Variants in BCL7A observed in about 807,000 individuals in gnomAD.
BCL7A encodes BAF chromatin remodeling complex subunit BCL7A.
Under a neutral mutation model 28.4 loss-of-function variants are expected in BCL7A, and 11 were observed. The ratio of observed to expected loss-of-function variants is 0.39; its 90% confidence interval spans 0.24 to 0.64. The LOEUF (loss-of-function observed/expected upper bound fraction) is 0.64, where lower values mean the gene tolerates loss of function less well. Ranked by LOEUF, BCL7A falls within the 30% of genes least tolerant of loss-of-function variation. The pLI is 0.50. For synonymous variants in BCL7A, 123 were observed against 103.3 expected, an observed-to-expected ratio of 1.19 and a Z score of -1.15; for missense variants, 222 against 274.8, an observed-to-expected ratio of 0.81 and a Z score of 1.36.
Position 122,060,011 on chromosome 12 carries a change from C to T in BCL7A, c.*848C>T, listed in dbSNP as rs1251436720. On this transcript the variant is annotated 3_prime_UTR_variant, in exon 6 of 6. Transcript: ENST00000261822. ...CTATTGCCCCCACCACCACCACCCC[C>T]ATCACTGCTTTCTCCCAGACCTCCG... 1 of 233,550 alleles carries T rather than the reference C, an allele frequency of 4.3e-6. No individual in the cohort carries two copies. The highest frequency in any genetic ancestry group is 8.5e-6 in the Non-Finnish European group (1 of 118,090). The allele number at this position is 233,550 out of a possible 1,614,324, so 14.5% of individuals were successfully genotyped here.
intron 4 of BCL7A, among the ~76,000 whole-genome samples, chr12:122,053,342 T>C (rs918200746): frequency 2.0e-5 from 3 of 152,214 alleles, no homozygotes; most frequent in African/African-American, 4.8e-5. Context: ...TCAGACTCCC[T>C]GGGAAGGAGG....
chr12:122,024,455 G>GT (rs1246502202), intron 1 of BCL7A, among the ~76,000 whole-genome samples: 51 of 81,048 alleles, frequency 6.3e-4, no homozygotes, highest in African/African-American at 1.5e-3. Flanking sequence ...TGGCTTTGAG[G>GT]TTTTTTGTTT....
intron 3 of BCL7A, among the ~76,000 whole-genome samples, chr12:122,038,154 AGGCACAGT>A (rs1292810213): frequency 2.7e-5 from 4 of 149,976 alleles, no homozygotes; most frequent in African/African-American, 9.8e-5. Context: ...AGTGGGAGCC[AGGCACAGT>A]GGCTCACGCC....
chr12:122,028,170 T>G (rs907673352), intron 1 of BCL7A, among the ~76,000 whole-genome samples: 27 of 152,312 alleles, frequency 1.8e-4, no homozygotes, highest in African/African-American at 6.3e-4. Flanking sequence ...CCCCTCAATG[T>G]CCACACCTAG....
chr12:122,045,202 G>A (rs1308596666), intron 4 of BCL7A, among the ~76,000 whole-genome samples: 4 of 152,066 alleles, frequency 2.6e-5, no homozygotes, highest in East Asian at 1.9e-4. Flanking sequence ...CCAACACGGT[G>A]AAACCCTGTC....
chr12:122,051,057 GGT>G (rs1884182457), intron 4 of BCL7A, among the ~76,000 whole-genome samples: 1 of 152,218 alleles, frequency 6.6e-6, no homozygotes, highest in African/African-American at 2.4e-5. Context: ...CCACGTTGGG[GGT>G]GTGTGTCTCC....
At chr12:122,038,431 C>CACAA (rs1883900095) in intron 3 of BCL7A, among the ~76,000 whole-genome samples, 7,094 of 33,634 alleles carry the variant, frequency 0.21, 1,190 homozygotes, top group African/African-American at 0.4. Context: ...GACTCTGCCT[C>CACAA]AAAAAAAAAA....
At chr12:122,052,898 C>T (rs373610888) in intron 4 of BCL7A, among the ~76,000 whole-genome samples, 1 of 141,444 alleles carries the variant, frequency 7.1e-6, no homozygotes, top group Admixed American at 7.4e-5. Flanking sequence ...CCATGTTGGC[C>T]AGGCTGGTCT....
Position 122,035,409 on chromosome 12 carries a change from G to A in BCL7A, c.253G>A (p.Gly85Arg). The A allele has an allele frequency of 1.2e-6, 2 of 1,614,146 alleles. No homozygotes were observed. Among genetic ancestry groups the A allele is most frequent in the Non-Finnish European group, 1.7e-6 (2 of 1,179,968 alleles). Residue 85 changes from glycine to arginine, a missense_variant, in exon 3 of 6, where the codon GGG (glycine) becomes AGG (arginine). Around this residue, in one of 2 missense-constraint regions of BCL7A, gnomAD observed 67 missense variants for 129.1 expected, o/e 0.52. Coordinates refer to ENST00000261822, the MANE Select transcript of BCL7A (RefSeq NM_001024808.3). ...VTTPENSSSP[G>R]MMDMHDDNSN... Reference sequence around the variant, plus strand: ...CACTCCGGAGAACAGTTCCTCCCCAGGGATGATGGACATGCATGGTGAGTG... The same window carrying A: ...CACTCCGGAGAACAGTTCCTCCCCAAGGATGATGGACATGCATGGTGAGTG...
intron 4 of BCL7A, among the ~76,000 whole-genome samples, chr12:122,054,493 C>T (rs1337836104): frequency 2.6e-5 from 4 of 152,224 alleles, no homozygotes; most frequent in African/African-American, 9.7e-5. Context: ...GCACTGCGGC[C>T]GCCAGGGGGT....
At chr12:122,031,365 G>A (rs1308386766) in intron 2 of BCL7A, among the ~76,000 whole-genome samples, 1 of 149,284 alleles carries the variant, frequency 6.7e-6, no homozygotes, top group African/African-American at 2.4e-5. Context: ...CCCCCCCCAG[G>A]GCTTGGCACT....
chr12:122,040,736 C>G (rs777909676), intron 3 of BCL7A, among the ~76,000 whole-genome samples: 1 of 151,890 alleles, frequency 6.6e-6, no homozygotes, highest in Non-Finnish European at 1.5e-5. Context: ...GTGGGCCGGG[C>G]AAGTTTTCTG....
chr12:122,038,779 C>T lies in BCL7A; in HGVS notation c.271+3352C>T, dbSNP rs79052090. Among the ~76,000 whole-genome samples the T allele has an allele frequency of 1.9e-3, 285 of 152,300 alleles. 10 individuals carry two copies. In the East Asian group the frequency reaches 0.051, roughly 27 times the overall value. On this transcript the variant is annotated intron_variant, in intron 3 of 5. Coordinates refer to ENST00000261822, the MANE Select transcript of BCL7A (RefSeq NM_001024808.3). ...GTGTGATCTTGGGCTATTTGTTTAA[C>T]CTCTAGCTTTGGGGTTTGTTTAGTT...
chr12:122,030,568 A>T, intron 1 of BCL7A, 132 bp from the exon 2 acceptor site: 1 of 797,840 alleles, frequency 1.3e-6, no homozygotes, highest in Non-Finnish European at 2.1e-6. Context: ...GCCTCCCGCT[A>T]GTGAGGGTGG....
chr12:122,042,646 T>G (rs973867084), intron 3 of BCL7A, among the ~76,000 whole-genome samples: 3 of 129,284 alleles, frequency 2.3e-5, no homozygotes, highest in Non-Finnish European at 4.9e-5. Context: ...CAAGACTCCA[T>G]CTCAAAAAAA....
At chr12:122,023,587 C>T (rs985481040) in intron 1 of BCL7A, among the ~76,000 whole-genome samples, 1 of 152,192 alleles carries the variant, frequency 6.6e-6, no homozygotes, top group African/African-American at 2.4e-5. Flanking sequence ...GATGCCCGGC[C>T]GTGGGCTGGG....
At chr12:122,041,727 G>T (rs2135850839) in intron 3 of BCL7A, among the ~76,000 whole-genome samples, 1 of 152,222 alleles carries the variant, frequency 6.6e-6, no homozygotes, top group African/African-American at 2.4e-5. Flanking sequence ...TTGTGCTGCT[G>T]TACTCCAGCC....
At chr12:122,025,358 GCTCA>G in intron 1 of BCL7A, among the ~76,000 whole-genome samples, 1 of 152,220 alleles carries the variant, frequency 6.6e-6, no homozygotes, top group East Asian at 1.9e-4. Context: ...GGGCGCGGTG[GCTCA>G]CGCCTGTAAT....
intron 4 of BCL7A, among the ~76,000 whole-genome samples, chr12:122,048,224 T>C (rs1315703974): frequency 1.3e-5 from 2 of 151,964 alleles, no homozygotes; most frequent in Non-Finnish European, 1.5e-5. Context: ...TTTTTTTTTT[T>C]TAAGAAAACT....
Sources: gnomAD v4.1 joint callset for allele counts (sites outside exome capture counted in the v4.1 genomes callset) on GRCh38, gnomAD v4.1.1 for gene constraint, gnomAD v4.1.1 regional missense constraint, MANE v1.5 for transcripts, NCBI Gene and HGNC (gene_info 2026-07-23, HGNC 2026-07-21) for gene names.